PJA2: variants seen among roughly 807,000 people sequenced by gnomAD.
The protein encoded by PJA2 is praja ring finger ubiquitin ligase 2, also known as E3 ubiquitin-protein ligase Praja-2.
Under a neutral mutation model 69.3 loss-of-function variants are expected in PJA2, and 25 were observed. The ratio of observed to expected loss-of-function variants is 0.36; its 90% confidence interval spans 0.26 to 0.50. The LOEUF is 0.50. Among genes scored for constraint, PJA2 ranks in the 20% least tolerant of loss-of-function variants. The pLI is 0.96. For missense variants in PJA2, 809 were observed against 830.2 expected, an observed-to-expected ratio of 0.97 and a Z score of 0.31; for synonymous variants, 308 against 277.8, an observed-to-expected ratio of 1.11 and a Z score of -1.08.
chr5:109,392,676 T>C (rs1478353249), intron 1 of PJA2, among the ~76,000 whole-genome samples: 2 of 151,886 alleles, frequency 1.3e-5, no homozygotes, highest in Non-Finnish European at 2.9e-5. Flanking sequence ...TAGTACCATA[T>C]AGGACCAACA....
chr5:109,374,854 G>GT (rs1344981202), intron 4 of PJA2, among the ~76,000 whole-genome samples: 7 of 151,994 alleles, frequency 4.6e-5, no homozygotes, highest in African/African-American at 1.4e-4. Context: ...TTGCTGAAAG[G>GT]TTTTTTTTAA....
chr5:109,407,328 C>G (rs1747715864), intron 1 of PJA2, among the ~76,000 whole-genome samples: 1 of 152,098 alleles, frequency 6.6e-6, no homozygotes, highest in South Asian at 2.1e-4. Flanking sequence ...TATAAGAAAA[C>G]TCATTTATGG....
At chr5:109,342,103 A>T (rs866663553) in intron 9 of PJA2, among the ~76,000 whole-genome samples, 2 of 32,678 alleles carry the variant, frequency 6.1e-5, no homozygotes, top group East Asian at 5.9e-4. Flanking sequence ...GGAGGTGGGG[A>T]TGTCGGCCCC....
chr5:109,409,927 C>A lies in PJA2; in HGVS notation c.-173G>T. 1 of 202,222 alleles carries A rather than the reference C, an allele frequency of 4.9e-6. No individual in the cohort carries two copies. Among genetic ancestry groups the A allele is most frequent in the Non-Finnish European group, 9.8e-6 (1 of 101,844 alleles). 12.5% of individuals were successfully genotyped at this position (202,222 alleles called of 1,614,324 possible). ...CTTCTTCTCCGCCTCCAACTCCTCC[C>A]CCGCCGAACGCGAAGCGGCTGGCGG... On this transcript the variant is annotated 5_prime_UTR_variant, in exon 1 of 10. Coordinates refer to ENST00000361189, the MANE Select transcript of PJA2 (RefSeq NM_014819.5).
intron 9 of PJA2, among the ~76,000 whole-genome samples, chr5:109,341,205 T>C (rs1185402292): frequency 5.5e-5 from 7 of 127,840 alleles, no homozygotes; most frequent in African/African-American, 2.0e-4. Flanking sequence ...GAGCGCCTCT[T>C]CCCAGCCGCC....
intron 7 of PJA2, among the ~76,000 whole-genome samples, chr5:109,354,842 T>C (rs1004893102): frequency 6.6e-6 from 1 of 151,602 alleles, no homozygotes; most frequent in African/African-American, 2.4e-5. Flanking sequence ...TGGCTGGGCA[T>C]GGTGACTCAT....
At chr5:109,357,187 C>T (rs902486720) in intron 6 of PJA2, among the ~76,000 whole-genome samples, 1 of 152,162 alleles carries the variant, frequency 6.6e-6, no homozygotes, top group East Asian at 1.9e-4. Flanking sequence ...CTCCTACCAC[C>T]TCTTAAGTCC....
chr5:109,384,192 G>A (rs1409865046), intron 1 of PJA2, among the ~76,000 whole-genome samples: 2 of 152,174 alleles, frequency 1.3e-5, no homozygotes, highest in African/African-American at 4.8e-5. Context: ...TTGCTTCTCT[G>A]TCAAGCAGTA....
chr5:109,343,350 TAAAAAAAAA>T (rs55754432), intron 9 of PJA2, among the ~76,000 whole-genome samples: 12 of 40,040 alleles, frequency 3.0e-4, no homozygotes, highest in African/African-American at 6.6e-4. Context: ...TAATGTACCA[TAAAAAAAAA>T]AAAAAAAAAA....
intron 5 of PJA2, 98 bp downstream of exon 5, chr5:109,368,463 G>T: frequency 9.0e-7 from 1 of 1,114,802 alleles, no homozygotes; most frequent in Non-Finnish European, 1.3e-6. Context: ...TTCTACATAA[G>T]GCTTATAAAT....
At chr5:109,353,393 T>C (rs1453041078) in intron 7 of PJA2, among the ~76,000 whole-genome samples, 4 of 138,022 alleles carry the variant, frequency 2.9e-5, no homozygotes, top group Non-Finnish European at 6.2e-5. Context: ...GACATCTATA[T>C]ATTAGATACC....
At chr5:109,347,896 T>A (rs1762194816) in intron 7 of PJA2, among the ~76,000 whole-genome samples, 1 of 152,242 alleles carries the variant, frequency 6.6e-6, no homozygotes, top group South Asian at 2.1e-4. Flanking sequence ...TTCAAATTAC[T>A]GTATTTCTCT....
At chr5:109,390,517 T>C (rs1408958219) in intron 1 of PJA2, 2 of 152,034 alleles carry the variant, frequency 1.3e-5, no homozygotes, top group Non-Finnish European at 2.9e-5. Flanking sequence ...TACTCACTTA[T>C]ATATAATGTC....
intron 1 of PJA2, among the ~76,000 whole-genome samples, chr5:109,395,353 A>G (rs1416474192): frequency 6.6e-6 from 1 of 152,074 alleles, no homozygotes; most frequent in African/African-American, 2.4e-5. Flanking sequence ...ACATGGTGAA[A>G]ACCCATCTCT....
intron 5 of PJA2, among the ~76,000 whole-genome samples, chr5:109,365,358 T>C (rs943099644): frequency 1.3e-5 from 2 of 152,150 alleles, no homozygotes; most frequent in Non-Finnish European, 2.9e-5. Context: ...TATGGAACAA[T>C]CTAAAAAACA....
chr5:109,353,869 G>A (rs1230909322), intron 7 of PJA2, among the ~76,000 whole-genome samples: 1 of 44,200 alleles, frequency 2.3e-5, no homozygotes, highest in East Asian at 4.9e-4. Flanking sequence ...GATATCTAGA[G>A]ATATCTATAG....
chr5:109,357,173 T>TGTACTC (rs1762427013), intron 6 of PJA2, among the ~76,000 whole-genome samples: 1 of 152,166 alleles, frequency 6.6e-6, no homozygotes, highest in Non-Finnish European at 1.5e-5. Context: ...CCTGAGTAGA[T>TGTACTC]GTACTCCTAC....
rs556383768 is a variant in PJA2 at position 109,379,969 on chromosome 5, A to T, written c.233-715T>A. ...ATAACTATCTTGCATCACCACTAAT[A>T]AAAAAAATGAAGACATTTGAGATTT... is the stretch of plus-strand genomic sequence containing the variant. On this transcript the variant is annotated intron_variant, in intron 3 of 9. Transcript: ENST00000361189. 6.0e-5 allele frequency among the ~76,000 whole-genome samples: 9 copies of T among 149,560 alleles called. No individual in the cohort carries two copies. The South Asian group carries it at 1.9e-3, about 31-fold the overall frequency.
chr5:109,398,731 C>T (rs919882951), intron 1 of PJA2, among the ~76,000 whole-genome samples: 7 of 151,276 alleles, frequency 4.6e-5, no homozygotes, highest in African/African-American at 1.2e-4. Context: ...ACATATGTAA[C>T]AAACCTGCAC....
Sources: gnomAD v4.1 joint callset for allele counts (sites outside exome capture counted in the v4.1 genomes callset) on GRCh38, gnomAD v4.1.1 for gene constraint, MANE v1.5 for transcripts, NCBI Gene and HGNC (gene_info 2026-07-23, HGNC 2026-07-21) for gene names.